RER1: variants seen among roughly 807,000 people sequenced by gnomAD.
The protein encoded by RER1 is retention in endoplasmic reticulum sorting receptor 1.
A neutral mutation model predicts 28.3 loss-of-function variants in RER1; 6 were observed. That is an observed-to-expected ratio of 0.21 (90% CI 0.12 to 0.42). The LOEUF (loss-of-function observed/expected upper bound fraction) is 0.42. RER1 is among the 10% of genes least tolerant of loss of function. The pLI, the probability that RER1 is intolerant of heterozygous loss-of-function variation, is 1.00. For synonymous variants in RER1, 110 were observed against 95.9 expected (o/e 1.15, Z -0.86); for missense variants, 159 against 252.9 (o/e 0.63, Z 2.52).
Position 2,405,187 on chromosome 1 carries a change from G to A in RER1, c.*2063G>A, listed in dbSNP as rs766283608. On this transcript the variant is annotated 3_prime_UTR_variant, in exon 7 of 7. Coordinates refer to ENST00000605895, the MANE Select transcript of RER1 (RefSeq NM_007033.5). ...TGCTTCCGACGGAGGTGCTGGCCTT[G>A]GTTGGTTTCTCTCTGCCCCGTGTGG... is the stretch of plus-strand genomic sequence containing the variant. 5 of 181,236 alleles carry A rather than the reference G, an allele frequency of 2.8e-5. No homozygotes were observed. The highest frequency in any genetic ancestry group is 4.7e-5 in the Non-Finnish European group (4 of 84,414). 11.2% of individuals were successfully genotyped at this position (181,236 alleles called of 1,614,324 possible).
At chr1:2,402,493 A>T (rs1368142002) in intron 6 of RER1, 151 bp downstream of exon 6, 6 of 982,772 alleles carry the variant, frequency 6.1e-6, no homozygotes, top group Non-Finnish European at 8.8e-6. Flanking sequence ...TGTGACGAGG[A>T]CACTGCTCCG....
chr1:2,393,607 G>A (rs1044513996), intron 1 of RER1, among the ~76,000 whole-genome samples: 6 of 152,170 alleles, frequency 3.9e-5, no homozygotes, highest in Non-Finnish European at 4.4e-5. Context: ...TTGTGGAGAA[G>A]GCATGAGAGG....
Position 2,400,951 on chromosome 1 carries a change from A to T in RER1, c.365+16A>T. Reference sequence around the variant, plus strand: ...TTAAATTTTGGTGAGCTAATTCTTCACGGTATTTGAAGAGAATTGTGCTCA... The same window carrying T: ...TTAAATTTTGGTGAGCTAATTCTTCTCGGTATTTGAAGAGAATTGTGCTCA... On this transcript the variant is annotated intron_variant, in intron 5 of 6. Transcript: ENST00000605895. 1 of 1,601,348 alleles carries T rather than the reference A, an allele frequency of 6.2e-7. No individual in the cohort carries two copies. The highest frequency in any genetic ancestry group is 1.1e-5 in the South Asian group (1 of 90,828).
intron 5 of RER1, chr1:2,401,815 G>A (rs1642867363): frequency 9.6e-6 from 5 of 521,860 alleles, no homozygotes; most frequent in East Asian, 9.5e-5. Context: ...GTGCTGGGAC[G>A]GGAGGGAGCA....
chr1:2,392,111 C>T (rs920078201), intron 1 of RER1, among the ~76,000 whole-genome samples, 153 bp downstream of exon 1: 2 of 151,602 alleles, frequency 1.3e-5, no homozygotes, highest in South Asian at 2.1e-4. Flanking sequence ...GTGTTCCCGA[C>T]CCGCGGCCCT....
chr1:2,393,236 T>C (rs1024706761), intron 1 of RER1: 14 of 152,138 alleles, frequency 9.2e-5, no homozygotes, highest in African/African-American at 3.4e-4. Flanking sequence ...CAACAGGTAA[T>C]TGATGGGCTG....
At chr1:2,397,303 C>T (rs942943880) in intron 3 of RER1, 83 bp downstream of exon 3, 4 of 912,686 alleles carry the variant, frequency 4.4e-6, no homozygotes, top group Non-Finnish European at 7.3e-6. Context: ...TTGATCCAGT[C>T]TGTCTTGCAG....
At chr1:2,398,048 A>T (rs1426891417) in intron 3 of RER1, among the ~76,000 whole-genome samples, 2 of 152,236 alleles carry the variant, frequency 1.3e-5, no homozygotes, top group Non-Finnish European at 2.9e-5. Context: ...ATGACCTAGA[A>T]ATCTTGAATC....
At chr1:2,396,467 TGG>T (rs1642769136) in intron 2 of RER1, 1 of 152,772 alleles carries the variant, frequency 6.5e-6, no homozygotes, top group African/African-American at 2.4e-5. Flanking sequence ...TTAATGAAGT[TGG>T]GTGACAGGCA....
intron 1 of RER1, 122 bp from the exon 2 acceptor site, chr1:2,395,662 T>G: frequency 1.4e-6 from 1 of 722,804 alleles, no homozygotes; most frequent in South Asian, 1.6e-5. Context: ...AAAACACAAA[T>G]GGTATATGGA....
intron 2 of RER1, chr1:2,396,222 G>C (rs1003648842): frequency 1.3e-5 from 4 of 297,542 alleles, no homozygotes; most frequent in Non-Finnish European, 2.0e-5. Flanking sequence ...CCCGGTGCTG[G>C]TAGCCCCACC....
At chr1:2,401,043 G>A (rs1362191552) in intron 5 of RER1, 108 bp downstream of exon 5, 2 of 925,896 alleles carry the variant, frequency 2.2e-6, no homozygotes, top group Non-Finnish European at 1.8e-6. Context: ...TGCTGTGCTG[G>A]GCTGGGCACG....
intron 6 of RER1, 65 bp from the exon 7 acceptor site, chr1:2,402,970 T>C (rs1208948687): frequency 2.2e-6 from 3 of 1,375,128 alleles, no homozygotes; most frequent in Admixed American, 1.8e-5. Flanking sequence ...CCGCTCAGAT[T>C]TGGGGACAGT....
Position 2,395,797 on chromosome 1 carries a change from G to A in RER1, c.7G>A (p.Glu3Lys), listed in dbSNP as rs375803399. The A allele has an allele frequency of 4.6e-5, 75 of 1,612,940 alleles. No homozygotes were observed. The highest frequency in any genetic ancestry group is 1.7e-5 in the Admixed American group (1 of 60,016). Residue 3 changes from glutamate to lysine, a missense_variant, in exon 2 of 7, where the codon GAA becomes AAA. Glu to Lys is a moderately conservative substitution (Grantham distance 56). Coordinates refer to ENST00000605895, the MANE Select transcript of RER1 (RefSeq NM_007033.5). ...TTTTTCTCCCAGTTACAGAATGTCT[G>A]AAGGGGACAGTGTGGGAGAATCCGT... is the stretch of plus-strand genomic sequence containing the variant. MS[E>K]GDSVGESVHG...
intron 5 of RER1, among the ~76,000 whole-genome samples, chr1:2,401,406 C>CCTT (rs1642860022): frequency 8.2e-5 from 3 of 36,510 alleles, no homozygotes; most frequent in Non-Finnish European, 1.3e-4. Context: ...CCCTCCTCCT[C>CCTT]CCTCCTTCCT....
intron 6 of RER1, among the ~76,000 whole-genome samples, chr1:2,402,657 C>T (rs566726305): frequency 3.9e-5 from 6 of 152,214 alleles, no homozygotes; most frequent in Admixed American, 6.5e-5. Flanking sequence ...CGCCAGCCTG[C>T]CCGAGGAGGA....
chr1:2,403,346 C>T lies in RER1; in HGVS notation c.*222C>T, dbSNP rs952458666. On this transcript the variant is annotated 3_prime_UTR_variant, in exon 7 of 7. Transcript: ENST00000605895. Reference sequence around the variant, plus strand: ...TTCAGTGACGTTCAAGTGTTTCTCACGGATGGAATTCTAGTCAGCTGCAGG... The same window carrying T: ...TTCAGTGACGTTCAAGTGTTTCTCATGGATGGAATTCTAGTCAGCTGCAGG... 61 of 483,000 alleles carry T rather than the reference C, an allele frequency of 1.3e-4. No homozygotes were observed. The East Asian group carries it at 1.9e-3, about 15-fold the overall frequency. 29.9% of individuals were successfully genotyped at this position (483,000 alleles called of 1,614,324 possible). A position where few individuals can be genotyped will look rare whatever the true frequency, so the allele number is the denominator to read the frequency against.
At chr1:2,402,889 TGTG>T (rs929186282) in intron 6 of RER1, 143 bp from the exon 7 acceptor site, 5 of 665,894 alleles carry the variant, frequency 7.5e-6, no homozygotes, top group Admixed American at 2.6e-5. Context: ...GCTGTGTTGA[TGTG>T]GGCGCAGGAA....
rs560687760 is a variant in RER1 at position 2,403,954 on chromosome 1, ACTCTCAACG to A, written c.*831_*839del. On this transcript the variant is annotated 3_prime_UTR_variant, in exon 7 of 7. Transcript: ENST00000605895. ...GCGTTTTTGATTCGAGAAAAGAAAT[ACTCTCAACG>A]TTTTACCAAGTGATTTTACCTCCAC... 9 of 152,372 alleles carry A rather than the reference ACTCTCAACG, an allele frequency of 5.9e-5. No individual in the cohort carries two copies. Among genetic ancestry groups the A allele is most frequent in the Admixed American group, 4.6e-4 (7 of 15,304 alleles). The allele number at this position is 152,372 out of a possible 1,614,324, so 9.4% of individuals were successfully genotyped here.
Sources: allele counts gnomAD v4.1 joint callset (sites outside exome capture counted in the v4.1 genomes callset), GRCh38; gene constraint gnomAD v4.1.1; transcripts MANE v1.5; gene names NCBI Gene and HGNC (gene_info 2026-07-23, HGNC 2026-07-21).